PIK3R3: variants seen among roughly 807,000 people sequenced by gnomAD.
The protein encoded by PIK3R3 is phosphoinositide-3-kinase regulatory subunit 3.
Under a neutral mutation model 62.9 loss-of-function variants are expected in PIK3R3, and 64 were observed. The ratio of observed to expected loss-of-function variants is 1.02; its 90% confidence interval spans 0.83 to 1.25. The LOEUF is 1.25. Ranked by LOEUF, PIK3R3 falls within the 50% of genes most tolerant of loss-of-function variation. The pLI, the probability that PIK3R3 is intolerant of heterozygous loss-of-function variation, is 0.00. For synonymous variants in PIK3R3, 165 were observed against 189.0 expected, an observed-to-expected ratio of 0.87 and a Z score of 1.04; for missense variants, 614 against 561.6, an observed-to-expected ratio of 1.09 and a Z score of -0.94.
At position 46,074,306 on chromosome 1, in the gene PIK3R3, A is replaced by C. The variant is rs926504497; in HGVS notation, c.314+3209T>G. 5.5e-4 allele frequency among the ~76,000 whole-genome samples: 81 copies of C among 146,226 alleles called. 4 individuals are homozygous for C. The highest frequency in any genetic ancestry group is 1.7e-3 in the African/African-American group (66 of 39,386). ...TCCGTCAAAAAAAAAAAAAAAAAAA[A>C]AAAAAAAAAAACCAATAAATTCAGC... On this transcript the variant is annotated intron_variant, in intron 3 of 9. Coordinates refer to ENST00000262741, the MANE Select transcript of PIK3R3 (RefSeq NM_003629.4).
At chr1:46,124,718 C>T (rs900413383) in intron 1 of PIK3R3, among the ~76,000 whole-genome samples, 3 of 149,244 alleles carry the variant, frequency 2.0e-5, no homozygotes, top group African/African-American at 7.4e-5. Context: ...ATCGCTGGAA[C>T]CCAGGAGGCG....
intron 1 of PIK3R3, among the ~76,000 whole-genome samples, chr1:46,119,027 A>G (rs1654436324): frequency 6.6e-6 from 1 of 151,706 alleles, no homozygotes; most frequent in Non-Finnish European, 1.5e-5. Context: ...CTGCTCTCCC[A>G]TTGCTTTAGG....
At position 46,072,976 on chromosome 1, in the gene PIK3R3, T is replaced by C. The variant is rs1455615197; in HGVS notation, c.314+4539A>G. 3.3e-5 allele frequency among the ~76,000 whole-genome samples: 5 copies of C among 151,294 alleles called. No homozygotes were observed. The South Asian group carries it at 6.2e-4, about 19-fold the overall frequency. On this transcript the variant is annotated intron_variant, in intron 3 of 9. Transcript: ENST00000262741. ...ATAAATAAATATATATATATATATATATTAGGCATCCATTCTCTAATGCTT... is the reference window on the plus strand; with the variant it reads ...ATAAATAAATATATATATATATATACATTAGGCATCCATTCTCTAATGCTT...
In PIK3R3 at chr1:46,080,453, A is replaced by G. The variant is rs114337442; in HGVS notation, c.215+189T>C. Among the ~76,000 whole-genome samples the G allele has an allele frequency of 6.9e-3, 1,043 of 151,972 alleles. 12 individuals carry two copies. The highest frequency in any genetic ancestry group is 0.024 in the African/African-American group (1,006 of 41,428). On this transcript the variant is annotated intron_variant, in intron 2 of 9. Coordinates refer to ENST00000262741, the MANE Select transcript of PIK3R3 (RefSeq NM_003629.4). Reference sequence around the variant, plus strand: ...GGTCTTACTCTGTTGCCCAGGCTGGAGTGCAACAGAGTGCTCTCTACAGCC... The same window carrying G: ...GGTCTTACTCTGTTGCCCAGGCTGGGGTGCAACAGAGTGCTCTCTACAGCC...
the PIK3R3 span, among the ~76,000 whole-genome samples, chr1:46,138,253 T>C: frequency 6.6e-6 from 1 of 152,258 alleles, no homozygotes; most frequent in Non-Finnish European, 1.5e-5. Context: ...CTTTCTGGAA[T>C]GTCCAATAAT....
At chr1:46,143,558 C>T in the PIK3R3 span, among the ~76,000 whole-genome samples, 4 of 152,012 alleles carry the variant, frequency 2.6e-5, no homozygotes, top group Non-Finnish European at 5.9e-5. Context: ...CAAGTGATCC[C>T]CCCACCTCTG....
intron 1 of PIK3R3, among the ~76,000 whole-genome samples, chr1:46,090,445 C>T (rs1651517347): frequency 6.6e-6 from 1 of 152,012 alleles, no homozygotes; most frequent in African/African-American, 2.4e-5. Flanking sequence ...GATTCTCCTC[C>T]CTCAGCCTCC....
At chr1:46,172,284 G>A in the PIK3R3 span, among the ~76,000 whole-genome samples, 3 of 152,076 alleles carry the variant, frequency 2.0e-5, no homozygotes, top group Non-Finnish European at 4.4e-5. Flanking sequence ...CTATAGATGA[G>A]GAATAGTGGC....
At chr1:46,070,886 T>C (rs72677533) in intron 3 of PIK3R3, among the ~76,000 whole-genome samples, 31,036 of 152,186 alleles carry the variant, frequency 0.2, 3,640 homozygotes, top group Non-Finnish European at 0.26. Context: ...GCCTGGCAGA[T>C]AGCAGATTCT....
At chr1:46,045,894 G>C (rs1467341614) in intron 9 of PIK3R3, 24 bp downstream of exon 9, 1 of 1,591,216 alleles carries the variant, frequency 6.3e-7, no homozygotes, top group Non-Finnish European at 8.6e-7. Context: ...ATTTCAAAAG[G>C]TTATATCCCC....
chr1:46,166,837 G>A, the PIK3R3 span, among the ~76,000 whole-genome samples: 1 of 152,232 alleles, frequency 6.6e-6, no homozygotes, highest in South Asian at 2.1e-4. Flanking sequence ...TCCACCCCAC[G>A]CCCCCAACCT....
chr1:46,069,692 T>C (rs1271145219), intron 3 of PIK3R3, among the ~76,000 whole-genome samples: 2 of 152,054 alleles, frequency 1.3e-5, no homozygotes, highest in African/African-American at 2.4e-5. Context: ...TACCAGCCGA[T>C]GTATGTTATT....
chr1:46,065,918 A>G, intron 5 of PIK3R3, 136 bp downstream of exon 5: 1 of 724,592 alleles, frequency 1.4e-6, no homozygotes, highest in Non-Finnish European at 2.4e-6. Context: ...GGGAATTTAT[A>G]TCATTAAAGT....
At chr1:46,045,617 C>CT (rs1031388121) in intron 9 of PIK3R3, among the ~76,000 whole-genome samples, 1,482 of 21,154 alleles carry the variant, frequency 0.07, 445 homozygotes, top group African/African-American at 0.16. Context: ...CAATTAAGTG[C>CT]TTTTTTTTTT....
At chr1:46,045,828 A>G (rs1053675705) in intron 9 of PIK3R3, 90 bp downstream of exon 9, 18 of 1,174,316 alleles carry the variant, frequency 1.5e-5, no homozygotes, top group African/African-American at 3.0e-5. Context: ...ACTGTACATT[A>G]ACTAATTTCA....
Position 46,041,702 on chromosome 1 carries a change from C to T in PIK3R3, c.*1971G>A, listed in dbSNP as rs142740917. On this transcript the variant is annotated 3_prime_UTR_variant, in exon 10 of 10. Transcript: ENST00000262741. Reference sequence around the variant, plus strand: ...ATTAGCTTGGTATTATTCAGTAAAACTTTCAGTTAAGATTTCAATTGACAG... The same window carrying T: ...ATTAGCTTGGTATTATTCAGTAAAATTTTCAGTTAAGATTTCAATTGACAG... 75 of 194,900 alleles carry T rather than the reference C, an allele frequency of 3.8e-4. No individual in the cohort carries two copies. Among genetic ancestry groups the T allele is most frequent in the African/African-American group, 1.2e-3 (54 of 43,258 alleles). The allele number at this position is 194,900 out of a possible 1,614,324, so 12.1% of individuals were successfully genotyped here. A position where few individuals can be genotyped will look rare whatever the true frequency, so the allele number is the denominator to read the frequency against.
chr1:46,058,501 G>A (rs1648159578), intron 6 of PIK3R3, among the ~76,000 whole-genome samples: 2 of 152,204 alleles, frequency 1.3e-5, no homozygotes, highest in African/African-American at 4.8e-5. Flanking sequence ...CAGGAGGGAG[G>A]CTGTACCCTG....
At chr1:46,060,119 A>G (rs1418292887) in intron 6 of PIK3R3, among the ~76,000 whole-genome samples, 9 of 151,570 alleles carry the variant, frequency 5.9e-5, no homozygotes, top group Admixed American at 5.9e-4. Context: ...TAAATAAAAC[A>G]AAACGTTATC....
At chr1:46,168,163 TAATTA>T in the PIK3R3 span, among the ~76,000 whole-genome samples, 1 of 151,940 alleles carries the variant, frequency 6.6e-6, no homozygotes, top group Non-Finnish European at 1.5e-5. Context: ...AAAAATAAAT[TAATTA>T]AATTAAATTA....
Sources: allele counts gnomAD v4.1 joint callset (sites outside exome capture counted in the v4.1 genomes callset), GRCh38; gene constraint gnomAD v4.1.1; transcripts MANE v1.5; gene names NCBI Gene and HGNC (gene_info 2026-07-23, HGNC 2026-07-21).